The following PRDM16 variants were observed in gnomAD, a reference collection of about 807,000 sequenced individuals.
PRDM16 encodes the protein PR/SET domain 16.
In PRDM16, 23 loss-of-function variants were observed where a neutral mutation model predicts 110.6. The ratio of observed to expected loss-of-function variants is 0.21; its 90% CI spans 0.15 to 0.29. The LOEUF is 0.29. Ranked by LOEUF, PRDM16 falls within the 10% of genes least tolerant of loss-of-function variation. PRDM16 has a pLI of 1.00. For synonymous variants in PRDM16, 799 were observed against 781.8 expected, an observed-to-expected ratio of 1.02 and a Z score of -0.37; for missense variants, 1,615 against 1,794.3, an observed-to-expected ratio of 0.90 and a Z score of 1.81.
chr1:3,368,231 C>T (rs560931051), intron 3 of PRDM16, among the ~76,000 whole-genome samples: 1 of 152,216 alleles, frequency 6.6e-6, no homozygotes, highest in Admixed American at 6.5e-5. Flanking sequence ...GGAGGCAGTC[C>T]CGACAGATGC....
intron 8 of PRDM16, among the ~76,000 whole-genome samples, chr1:3,408,583 TGA>T (rs1319076525): frequency 2.8e-5 from 4 of 144,630 alleles, no homozygotes; most frequent in Non-Finnish European, 4.5e-5. Context: ...TGAGAGCGTG[TGA>T]GTGTGGGTGT....
chr1:3,192,335 G>C (rs560844997), intron 2 of PRDM16, among the ~76,000 whole-genome samples: 1 of 152,266 alleles, frequency 6.6e-6, no homozygotes, highest in Non-Finnish European at 1.5e-5. Context: ...AGTTCCGGCT[G>C]GGTTTTGAGC....
chr1:3,160,832 G>A (rs372048122), intron 1 of PRDM16, among the ~76,000 whole-genome samples: 20 of 152,222 alleles, frequency 1.3e-4, no homozygotes, highest in African/African-American at 4.8e-4. Flanking sequence ...CAGGGTAGCT[G>A]GGCTCAGAGA....
At chr1:3,367,592 C>T (rs547105300) in intron 3 of PRDM16, among the ~76,000 whole-genome samples, 12 of 152,298 alleles carry the variant, frequency 7.9e-5, no homozygotes, top group African/African-American at 2.9e-4. Context: ...CGGGCTCAAG[C>T]GTCCATTGTC....
chr1:3,408,384 C>A (rs560171304), intron 8 of PRDM16, among the ~76,000 whole-genome samples: 1 of 152,314 alleles, frequency 6.6e-6, no homozygotes, highest in Non-Finnish European at 1.5e-5. Flanking sequence ...GAGAGGAGAA[C>A]AGGACAGAGA....
chr1:3,210,388 AGG>A (rs1638855329), intron 2 of PRDM16, among the ~76,000 whole-genome samples: 1 of 152,232 alleles, frequency 6.6e-6, no homozygotes, highest in Non-Finnish European at 1.5e-5. Context: ...CCTCAGATTC[AGG>A]AAGGAGCCGC....
chr1:3,160,418 T>C (rs1643888662), intron 1 of PRDM16, among the ~76,000 whole-genome samples: 1 of 152,228 alleles, frequency 6.6e-6, no homozygotes, highest in East Asian at 1.9e-4. Flanking sequence ...ATCATCCTCA[T>C]TGATGAACTC....
intron 3 of PRDM16, among the ~76,000 whole-genome samples, chr1:3,317,141 C>T (rs1196692334): frequency 1.3e-5 from 2 of 152,186 alleles, no homozygotes; most frequent in African/African-American, 4.8e-5. Context: ...TGTCCACAGA[C>T]GCGCCCATCA....
At chr1:3,154,871 G>GA (rs1294396787) in intron 1 of PRDM16, among the ~76,000 whole-genome samples, 4 of 152,206 alleles carry the variant, frequency 2.6e-5, no homozygotes, top group African/African-American at 9.7e-5. Flanking sequence ...CTAAGCAAAT[G>GA]AAAAAGAAAC....
intron 4 of PRDM16, among the ~76,000 whole-genome samples, chr1:3,393,927 G>A (rs1643339392): frequency 6.6e-6 from 1 of 152,164 alleles, no homozygotes; most frequent in Non-Finnish European, 1.5e-5. Flanking sequence ...CAAGTCCCAT[G>A]GCCAAGGCGC....
At chr1:3,376,275 A>G (rs1642988695) in intron 3 of PRDM16, among the ~76,000 whole-genome samples, 1 of 152,134 alleles carries the variant, frequency 6.6e-6, no homozygotes. Flanking sequence ...AGAGGCTACA[A>G]AGTGTGGAAT....
chr1:3,395,086 C>T (rs1643365322), intron 4 of PRDM16, among the ~76,000 whole-genome samples: 1 of 152,250 alleles, frequency 6.6e-6, no homozygotes, highest in Non-Finnish European at 1.5e-5. Context: ...CTGGGCATTA[C>T]CGTCACGCTG....
intron 2 of PRDM16, among the ~76,000 whole-genome samples, chr1:3,217,181 G>A (rs767615087): frequency 9.2e-5 from 14 of 152,374 alleles, no homozygotes; most frequent in Non-Finnish European, 1.2e-4. Context: ...ACGGGCATTC[G>A]CCCGTGTGTG....
chr1:3,284,060 TG>T (rs922863513), intron 3 of PRDM16, among the ~76,000 whole-genome samples: 3 of 151,982 alleles, frequency 2.0e-5, no homozygotes, highest in African/African-American at 7.3e-5. Context: ...GGCCTGGAGC[TG>T]GGGGCCATCC....
At chr1:3,374,420 C>T (rs1642958019) in intron 3 of PRDM16, among the ~76,000 whole-genome samples, 2 of 152,246 alleles carry the variant, frequency 1.3e-5, no homozygotes, top group South Asian at 2.1e-4. Context: ...AGAGGCGAAA[C>T]ATACCTAAGC....
In PRDM16 at chr1:3,382,956, T is replaced by C. The variant is rs1351024661; in HGVS notation, c.439-2196T>C. Among the ~76,000 whole-genome samples, 1 of 152,214 alleles carries C rather than the reference T, an allele frequency of 6.6e-6. No individual in the cohort carries two copies. The highest frequency in any genetic ancestry group is 1.5e-5 in the Non-Finnish European group (1 of 68,032). On this transcript the variant is annotated intron_variant, in intron 3 of 16. Transcript: ENST00000270722. The surrounding 1 kb of genome is among the most constrained non-coding windows in gnomAD (Gnocchi z 6.6). ...CTCCTGCTACTCCATCGTTTGTATA[T>C]TGAGCATCCCCCCGCCGCCAATGTT...
chr1:3,158,692 T>G (rs1643875809), intron 1 of PRDM16, among the ~76,000 whole-genome samples: 1 of 151,874 alleles, frequency 6.6e-6, no homozygotes, highest in Non-Finnish European at 1.5e-5. Flanking sequence ...TTTCTCTTTC[T>G]CTTTTTTTCT....
chr1:3,362,130 G>A (rs1292572967), intron 3 of PRDM16, among the ~76,000 whole-genome samples: 1 of 152,350 alleles, frequency 6.6e-6, no homozygotes, highest in Admixed American at 6.5e-5. Context: ...CCCATCCCGA[G>A]GCAGACATTT....
chr1:3,372,326 G>A (rs879843726), intron 3 of PRDM16, among the ~76,000 whole-genome samples: 18 of 152,354 alleles, frequency 1.2e-4, no homozygotes, highest in Non-Finnish European at 2.5e-4. Flanking sequence ...CTATTTTAGG[G>A]AACCCCCACC....
Sources: allele counts gnomAD v4.1 joint callset (sites outside exome capture counted in the v4.1 genomes callset), GRCh38; gene constraint gnomAD v4.1.1; non-coding constraint Gnocchi (gnomAD v3.1); transcripts MANE v1.5; gene names NCBI Gene and HGNC (gene_info 2026-07-23, HGNC 2026-07-21).